ANP32B: variants seen among roughly 807,000 people sequenced by gnomAD.
ANP32B encodes acidic nuclear phosphoprotein 32 family member B.
ANP32B carries 6 observed loss-of-function variants against 32.2 expected under a neutral mutation model. The ratio of observed to expected loss-of-function variants is 0.19; its 90% CI spans 0.10 to 0.37. The LOEUF (loss-of-function observed/expected upper bound fraction) is 0.37. Among genes scored for constraint, ANP32B ranks in the 10% least tolerant of loss-of-function variants. The pLI is 1.00. For synonymous variants in ANP32B, 98 were observed against 105.8 expected (o/e 0.93, Z 0.45); for missense variants, 204 against 289.2 (o/e 0.71, Z 2.14).
chr9:97,984,157 G>C (rs895139588), intron 1 of ANP32B, among the ~76,000 whole-genome samples: 1 of 150,418 alleles, frequency 6.6e-6, no homozygotes, highest in African/African-American at 2.4e-5. Context: ...GGCGAGGAGG[G>C]GGCTTTTTTC....
intron 6 of ANP32B, among the ~76,000 whole-genome samples, chr9:98,014,718 A>C (rs1828245493): frequency 6.6e-6 from 1 of 152,212 alleles, no homozygotes; most frequent in Non-Finnish European, 1.5e-5. Flanking sequence ...CTTGAAAGTA[A>C]GCATGTCTTG....
In ANP32B at chr9:97,983,456, C is replaced by A; in HGVS notation, c.-100C>A. 8.6e-7 allele frequency: 1 copy of A among 1,158,064 alleles called. No individual in the cohort carries two copies. Among genetic ancestry groups the A allele is most frequent in the Non-Finnish European group, 1.2e-6 (1 of 807,484 alleles). 71.7% of individuals were successfully genotyped at this position (1,158,064 alleles called of 1,614,324 possible). A position where few individuals can be genotyped will look rare whatever the true frequency, so the allele number is the denominator to read the frequency against. Reference sequence around the variant, plus strand: ...CCGCGCCGCCGGCCTCCGCCGCTAGCAAACCCTTCCGACGGCCCTCGCTGC... The same window carrying A: ...CCGCGCCGCCGGCCTCCGCCGCTAGAAAACCCTTCCGACGGCCCTCGCTGC... On this transcript the variant is annotated 5_prime_UTR_variant, in exon 1 of 7. Transcript: ENST00000339399.
At chr9:98,005,581 C>T (rs570397285) in intron 4 of ANP32B, among the ~76,000 whole-genome samples, 55 of 152,060 alleles carry the variant, frequency 3.6e-4, no homozygotes, top group African/African-American at 8.4e-4. Flanking sequence ...TGTGTGCGTG[C>T]GCACGCGTGT....
intron 2 of ANP32B, among the ~76,000 whole-genome samples, chr9:97,996,589 G>T (rs1292869464): frequency 6.6e-6 from 1 of 151,984 alleles, no homozygotes; most frequent in African/African-American, 2.4e-5. Flanking sequence ...AACACAAATT[G>T]GTTTTGTTTT....
chr9:97,985,900 C>CA lies in ANP32B; in HGVS notation c.54+2292dup, dbSNP rs138795564. ...GCAATGGCACTATCTCGGCTCACCT[C>CA]AGCCTCCGCTTACCGGGTTCAAGCG... On this transcript the variant is annotated intron_variant, in intron 1 of 6. Transcript: ENST00000339399. Among the ~76,000 whole-genome samples, 251 of 152,310 alleles carry CA rather than the reference C, an allele frequency of 1.6e-3. 6 individuals carry two copies. The East Asian group carries it at 0.046, about 28-fold the overall frequency.
chr9:98,003,614 A>G (rs1329744457), intron 3 of ANP32B, among the ~76,000 whole-genome samples: 1 of 152,226 alleles, frequency 6.6e-6, no homozygotes, highest in Non-Finnish European at 1.5e-5. Context: ...CCTCAGAACT[A>G]CATAGATACC....
At chr9:98,000,230 C>G (rs890730565) in intron 3 of ANP32B, among the ~76,000 whole-genome samples, 1 of 152,182 alleles carries the variant, frequency 6.6e-6, no homozygotes, top group Admixed American at 6.5e-5. Context: ...CCTTCCATCT[C>G]GACCTCCCAA....
intron 1 of ANP32B, among the ~76,000 whole-genome samples, chr9:97,988,854 A>G (rs572121148): frequency 1.3e-5 from 2 of 152,332 alleles, no homozygotes; most frequent in South Asian, 4.1e-4. Context: ...ATTACTTTCT[A>G]TATTTTGGGA....
chr9:98,002,831 G>T (rs1828015663), intron 3 of ANP32B, among the ~76,000 whole-genome samples: 1 of 152,150 alleles, frequency 6.6e-6, no homozygotes, highest in Non-Finnish European at 1.5e-5. Context: ...AAATATCAGA[G>T]GTTGTATGTG....
chr9:97,986,917 A>G (rs1827745940), intron 1 of ANP32B: 1 of 152,236 alleles, frequency 6.6e-6, no homozygotes, highest in Non-Finnish European at 1.5e-5. Context: ...AATTGTAAAT[A>G]TGTTCTTACG....
chr9:97,989,367 T>C (rs1827787878), intron 1 of ANP32B, among the ~76,000 whole-genome samples: 1 of 152,160 alleles, frequency 6.6e-6, no homozygotes, highest in Non-Finnish European at 1.5e-5. Context: ...GGAGGTAGTA[T>C]GGATTTTTCA....
At chr9:98,006,987 C>CA (rs1347574165) in intron 4 of ANP32B, among the ~76,000 whole-genome samples, 138 of 142,650 alleles carry the variant, frequency 9.7e-4, no homozygotes, top group East Asian at 7.1e-3. Flanking sequence ...GACTCCATCT[C>CA]AAAAAACAAA....
At chr9:97,999,369 C>G (rs923878107) in intron 3 of ANP32B, among the ~76,000 whole-genome samples, 4 of 152,138 alleles carry the variant, frequency 2.6e-5, no homozygotes, top group African/African-American at 4.8e-5. Context: ...ACAGAAAAGG[C>G]TATTTATGTT....
chr9:97,996,421 G>A (rs1357226178), intron 2 of ANP32B, among the ~76,000 whole-genome samples: 16 of 152,092 alleles, frequency 1.1e-4, no homozygotes. Flanking sequence ...GTTTTTGTTG[G>A]TTTTGGGTGG....
chr9:98,000,297 C>T (rs530330873), intron 3 of ANP32B, among the ~76,000 whole-genome samples: 88 of 152,232 alleles, frequency 5.8e-4, no homozygotes, highest in African/African-American at 2.0e-3. Flanking sequence ...TTTATTTTTA[C>T]ATTTCTTTAA....
At chr9:97,993,912 C>T (rs536418562) in intron 1 of ANP32B, among the ~76,000 whole-genome samples, 2 of 152,286 alleles carry the variant, frequency 1.3e-5, no homozygotes, top group East Asian at 1.9e-4. Context: ...GGATTACAGG[C>T]GTCAGCCACT....
intron 1 of ANP32B, chr9:97,986,673 A>C (rs932630381): frequency 6.6e-6 from 1 of 152,282 alleles, no homozygotes; most frequent in Non-Finnish European, 1.5e-5. Context: ...GGAACATGCC[A>C]TAAACACCAC....
chr9:97,999,652 C>T (rs1827958307), intron 3 of ANP32B, among the ~76,000 whole-genome samples: 1 of 152,206 alleles, frequency 6.6e-6, no homozygotes, highest in Non-Finnish European at 1.5e-5. Context: ...GGATAATAAT[C>T]CCTGCCTTAC....
chr9:98,008,837 A>G (rs765257148), intron 4 of ANP32B, among the ~76,000 whole-genome samples: 39 of 152,214 alleles, frequency 2.6e-4, no homozygotes, highest in Non-Finnish European at 5.3e-4. Context: ...AATAATAGAA[A>G]TAAAGTGCAG....
Sources: gnomAD v4.1 joint callset for allele counts (sites outside exome capture counted in the v4.1 genomes callset) on GRCh38, gnomAD v4.1.1 for gene constraint, MANE v1.5 for transcripts, NCBI Gene and HGNC (gene_info 2026-07-23, HGNC 2026-07-21) for gene names.